MTHFS: variants seen among roughly 807,000 people sequenced by gnomAD.
MTHFS encodes the protein methenyltetrahydrofolate synthetase.
In MTHFS, 7 loss-of-function variants were observed where a neutral mutation model predicts 12.7. The observed-to-expected ratio is 0.55, with a 90% CI of 0.31 to 1.03. The LOEUF is 1.03. MTHFS is among the 50% of genes least tolerant of loss of function. The probability of loss-of-function intolerance (pLI) is 0.05; values close to 1 mark genes in which losing one functional copy is unlikely to be tolerated. For synonymous variants in MTHFS, 100 were observed against 97.1 expected (o/e 1.03, Z -0.18); for missense variants, 252 against 258.1 (o/e 0.98, Z 0.16).
chr15:79,885,293 G>A (rs2034363413), intron 2 of MTHFS, among the ~76,000 whole-genome samples: 1 of 152,112 alleles, frequency 6.6e-6, no homozygotes, highest in Non-Finnish European at 1.5e-5. Context: ...TTAAGTTATG[G>A]CTCAGGTAAC....
chr15:79,879,702 G>A (rs1182137087), intron 2 of MTHFS, among the ~76,000 whole-genome samples: 1 of 152,124 alleles, frequency 6.6e-6, no homozygotes, highest in Non-Finnish European at 1.5e-5. Flanking sequence ...AGAAGCAGAG[G>A]CCTAAATCAG....
chr15:79,865,474 C>T (rs1427634323), intron 2 of MTHFS, among the ~76,000 whole-genome samples: 1 of 152,126 alleles, frequency 6.6e-6, no homozygotes, highest in Non-Finnish European at 1.5e-5. Context: ...TGGGAAGAGC[C>T]GGAAGGAAAC....
At position 79,845,316 on chromosome 15, in the gene MTHFS, T is replaced by C. The variant is rs2033590842; in HGVS notation, c.506A>G (p.Tyr169Cys). The change falls in exon 3 of 3, where the codon TAC (tyrosine) becomes TGC (cysteine). Residue 169 changes from tyrosine (Y) to cysteine (C), a missense_variant. Coordinates refer to ENST00000258874, the MANE Select transcript of MTHFS (RefSeq NM_006441.4). ...TTCTTTGAAAGCCAACGCCAGGGTG[T>C]AGGGCTTCACTTCCTGATGCTGCAA... Reference protein sequence around the residue: ...RCLQHQEVKPYTLALAFKEQI... With the variant: ...RCLQHQEVKPCTLALAFKEQI... 6.2e-7 allele frequency: 1 copy of C among 1,614,170 alleles called. No homozygotes were observed.
intron 2 of MTHFS, among the ~76,000 whole-genome samples, chr15:79,878,686 C>T (rs1370466155): frequency 1.3e-5 from 2 of 151,252 alleles, no homozygotes; most frequent in African/African-American, 2.4e-5. Context: ...TACTGTAAAA[C>T]AAAGAGAAAT....
intron 1 of MTHFS, among the ~76,000 whole-genome samples, chr15:79,895,090 T>G (rs1292367582): frequency 1.3e-5 from 2 of 152,222 alleles, no homozygotes; most frequent in African/African-American, 4.8e-5. Context: ...AAGAGTGATA[T>G]TATCCATTTT....
At chr15:79,883,783 G>C (rs2034337345) in intron 2 of MTHFS, among the ~76,000 whole-genome samples, 1 of 152,172 alleles carries the variant, frequency 6.6e-6, no homozygotes, top group South Asian at 2.1e-4. Context: ...TGGACTTTGA[G>C]ATGTTAAGTA....
intron 2 of MTHFS, chr15:79,876,057 G>C (rs1319523302): frequency 6.6e-6 from 1 of 152,066 alleles, no homozygotes; most frequent in African/African-American, 2.4e-5. Context: ...AACTGGCTAA[G>C]AGCAAGCTAG....
upstream of MTHFS, chr15:79,897,069 G>C: frequency 7.4e-7 from 1 of 1,356,348 alleles, no homozygotes; most frequent in Non-Finnish European, 9.6e-7. Flanking sequence ...GCCGCTCCCA[G>C]GTGGATCCGC....
Position 79,879,749 on chromosome 15 carries a change from C to T in MTHFS, c.379+9344G>A, listed in dbSNP as rs143880376. Among the ~76,000 whole-genome samples the T allele has an allele frequency of 2.9e-3, 440 of 152,224 alleles. 1 individual carries two copies. Among genetic ancestry groups the T allele is most frequent in the Middle Eastern group, 0.017 (5 of 294 alleles). Reference sequence around the variant, plus strand: ...CATTTTAGAAACTCAGTAAGAAAAACATCATGACCCATTTTATACACAGCA... The same window carrying T: ...CATTTTAGAAACTCAGTAAGAAAAATATCATGACCCATTTTATACACAGCA... On this transcript the variant is annotated intron_variant, in intron 2 of 2. Coordinates refer to ENST00000258874, the MANE Select transcript of MTHFS (RefSeq NM_006441.4).
At chr15:79,850,642 G>A (rs2033698830) in intron 2 of MTHFS, among the ~76,000 whole-genome samples, 1 of 152,186 alleles carries the variant, frequency 6.6e-6, no homozygotes, top group African/African-American at 2.4e-5. Context: ...AGTAGACGCA[G>A]TGTCAAATGT....
At chr15:79,847,561 G>A (rs186660935) in intron 2 of MTHFS, among the ~76,000 whole-genome samples, 12 of 150,956 alleles carry the variant, frequency 7.9e-5, no homozygotes, top group African/African-American at 2.9e-4. Flanking sequence ...GAGGGCGCCT[G>A]TAGTCCCAGC....
At chr15:79,887,207 AG>A (rs1470740717) in intron 2 of MTHFS, among the ~76,000 whole-genome samples, 2 of 152,204 alleles carry the variant, frequency 1.3e-5, no homozygotes, top group Non-Finnish European at 2.9e-5. Flanking sequence ...CCCGGGTGAC[AG>A]AGTGAAACTC....
intron 2 of MTHFS, among the ~76,000 whole-genome samples, chr15:79,860,024 TTAC>T (rs1407440778): frequency 6.6e-6 from 1 of 151,892 alleles, no homozygotes; most frequent in Non-Finnish European, 1.5e-5. Flanking sequence ...TTAATAAACT[TTAC>T]TAATAACATT....
At chr15:79,859,396 A>G (rs141709153) in intron 2 of MTHFS, among the ~76,000 whole-genome samples, 1 of 152,394 alleles carries the variant, frequency 6.6e-6, no homozygotes, top group African/African-American at 2.4e-5. Flanking sequence ...TTCCACAGAT[A>G]GTTTGGAAAA....
chr15:79,869,634 A>G (rs1206383864), intron 2 of MTHFS, among the ~76,000 whole-genome samples: 2 of 152,148 alleles, frequency 1.3e-5, no homozygotes, highest in Non-Finnish European at 2.9e-5. Flanking sequence ...GGGTCTCATT[A>G]CGTTTCCCAG....
At chr15:79,870,985 T>A (rs1369459904) in intron 2 of MTHFS, among the ~76,000 whole-genome samples, 2 of 151,766 alleles carry the variant, frequency 1.3e-5, no homozygotes, top group African/African-American at 4.8e-5. Flanking sequence ...CTACTAAAAA[T>A]ACAAAAAATT....
chr15:79,872,052 C>G (rs1215610997), intron 2 of MTHFS, among the ~76,000 whole-genome samples: 1 of 133,198 alleles, frequency 7.5e-6, no homozygotes, highest in Non-Finnish European at 1.5e-5. Flanking sequence ...TTGCACTGAG[C>G]TGAGATAACA....
At chr15:79,848,486 C>T (rs1451530184) in intron 2 of MTHFS, among the ~76,000 whole-genome samples, 1 of 152,100 alleles carries the variant, frequency 6.6e-6, no homozygotes, top group Admixed American at 6.6e-5. Flanking sequence ...GAGGGTAGAT[C>T]TCACATTATA....
chr15:79,844,044 G>A lies in MTHFS; in HGVS notation c.*1166C>T, dbSNP rs1424549838. ...CAGTGTTACAGGAGAATACAGAGTT[G>A]GGAGAGAAGAGGCTAGAAAAAGTAG... is the stretch of plus-strand genomic sequence containing the variant. On this transcript the variant is annotated 3_prime_UTR_variant, in exon 3 of 3. Transcript: ENST00000258874. 1 of 152,270 alleles carries A rather than the reference G, an allele frequency of 6.6e-6. No individual in the cohort carries two copies. The highest frequency in any genetic ancestry group is 2.4e-5 in the African/African-American group (1 of 41,462). The allele number at this position is 152,270 out of a possible 1,614,324, so 9.4% of individuals were successfully genotyped here. A position where few individuals can be genotyped will look rare whatever the true frequency, so the allele number is the denominator to read the frequency against.
Sources: allele counts gnomAD v4.1 joint callset (sites outside exome capture counted in the v4.1 genomes callset), GRCh38; gene constraint gnomAD v4.1.1; transcripts MANE v1.5; gene names NCBI Gene and HGNC (gene_info 2026-07-23, HGNC 2026-07-21).